Variants in PDE4D observed in about 807,000 individuals in gnomAD.
The protein encoded by PDE4D is 3',5'-cyclic-AMP phosphodiesterase 4D.
In PDE4D, 24 loss-of-function variants were observed where a neutral mutation model predicts 87.4. The observed-to-expected ratio is 0.27, with a 90% CI of 0.20 to 0.39. The LOEUF (loss-of-function observed/expected upper bound fraction) is 0.39. PDE4D is among the 10% of genes least tolerant of loss of function. The probability of loss-of-function intolerance (pLI) is 1.00; values close to 1 mark genes in which losing one functional copy is unlikely to be tolerated. For missense variants in PDE4D, 714 were observed against 1,041.0 expected (o/e 0.69, Z 4.32); for synonymous variants, 384 against 383.2 (o/e 1.00, Z -0.02).
chr5:59,730,611 C>T (rs1757237139), intron 1 of PDE4D, among the ~76,000 whole-genome samples: 1 of 152,040 alleles, frequency 6.6e-6, no homozygotes, highest in Admixed American at 6.6e-5. Flanking sequence ...TCATTCTCCC[C>T]TTTCATTTTT....
At chr5:60,345,561 C>CT (rs1758681011) in intron 1 of PDE4D, among the ~76,000 whole-genome samples, 1 of 140,598 alleles carries the variant, frequency 7.1e-6, no homozygotes, top group Non-Finnish European at 1.5e-5. Context: ...GAGCTCTTCC[C>CT]TCTCCAAAAA....
At chr5:58,991,505 C>T (rs764030382) in intron 8 of PDE4D, among the ~76,000 whole-genome samples, 1 of 152,106 alleles carries the variant, frequency 6.6e-6, no homozygotes, top group Non-Finnish European at 1.5e-5. Context: ...GTATCAATCA[C>T]AAAGCACTTC....
At chr5:60,095,026 T>C (rs1391408728) in intron 2 of PDE4D, among the ~76,000 whole-genome samples, 1 of 152,138 alleles carries the variant, frequency 6.6e-6, no homozygotes, top group Non-Finnish European at 1.5e-5. Context: ...ATATAATTTT[T>C]TAACATATTT....
At chr5:60,318,934 A>T (rs1001631214) in intron 1 of PDE4D, among the ~76,000 whole-genome samples, 10 of 152,100 alleles carry the variant, frequency 6.6e-5, no homozygotes, top group African/African-American at 2.4e-4. Context: ...CCTTCATTTC[A>T]ACTTTGGTGA....
At chr5:59,540,409 T>TA (rs1200452134) in intron 1 of PDE4D, among the ~76,000 whole-genome samples, 4 of 152,136 alleles carry the variant, frequency 2.6e-5, no homozygotes, top group African/African-American at 9.7e-5. Flanking sequence ...TTCTGCAAGT[T>TA]AAAAAATTAA....
In PDE4D at chr5:59,649,081, T is replaced by G. The variant is rs564683193; in HGVS notation, c.455+244087A>C. Reference sequence around the variant, plus strand: ...ATGATTTATTAAGAATAGCCACTTGTGACCACATAGGGCACAACCTGAAAA... The same window carrying G: ...ATGATTTATTAAGAATAGCCACTTGGGACCACATAGGGCACAACCTGAAAA... On this transcript the variant is annotated intron_variant, in intron 1 of 14. Transcript: ENST00000340635. Among the ~76,000 whole-genome samples the G allele has an allele frequency of 2.7e-4, 41 of 152,300 alleles. No homozygotes were observed. The South Asian group carries it at 8.1e-3, about 30-fold the overall frequency.
chr5:59,240,796 A>C (rs913803352), intron 1 of PDE4D, among the ~76,000 whole-genome samples: 1 of 71,886 alleles, frequency 1.4e-5, no homozygotes, highest in Non-Finnish European at 2.9e-5. Flanking sequence ...ACACACACAC[A>C]CACACACACA....
intron 1 of PDE4D, among the ~76,000 whole-genome samples, chr5:59,263,468 A>C (rs970093545): frequency 6.6e-6 from 1 of 151,996 alleles, no homozygotes; most frequent in African/African-American, 2.4e-5. Context: ...GGTGAATCTA[A>C]GCAACAGAAT....
chr5:59,690,934 G>A (rs1252982857), intron 1 of PDE4D, among the ~76,000 whole-genome samples: 2 of 152,306 alleles, frequency 1.3e-5, no homozygotes, highest in Non-Finnish European at 2.9e-5. Flanking sequence ...CTTCTCAAAA[G>A]AAGACATTTA....
At chr5:59,795,175 G>T (rs944744975) in intron 1 of PDE4D, among the ~76,000 whole-genome samples, 2 of 152,182 alleles carry the variant, frequency 1.3e-5, no homozygotes, top group African/African-American at 4.8e-5. Flanking sequence ...CAACCTTCCT[G>T]ATTAATGAAT....
intron 1 of PDE4D, among the ~76,000 whole-genome samples, chr5:59,627,821 C>T (rs770570367): frequency 1.8e-4 from 27 of 152,286 alleles, no homozygotes; most frequent in Non-Finnish European, 3.8e-4. Context: ...AAGGCAGAGG[C>T]TGAACAAGGA....
At chr5:59,244,678 GTC>G (rs1403385464) in intron 1 of PDE4D, among the ~76,000 whole-genome samples, 49 of 85,886 alleles carry the variant, frequency 5.7e-4, no homozygotes, top group South Asian at 9.2e-4. Context: ...ATGTGTGTGT[GTC>G]TGTGTGTGTG....
chr5:59,203,853 G>A (rs1280825609), intron 2 of PDE4D, among the ~76,000 whole-genome samples: 1 of 152,162 alleles, frequency 6.6e-6, no homozygotes, highest in African/African-American at 2.4e-5. Context: ...AGGGCCTGGG[G>A]GAGAATGGGA....
chr5:59,536,960 G>A (rs963476294), intron 1 of PDE4D, among the ~76,000 whole-genome samples: 5 of 151,940 alleles, frequency 3.3e-5, no homozygotes, highest in Admixed American at 6.6e-5. Context: ...GCTACAATAC[G>A]ACCCACCCCC....
At chr5:60,088,332 A>T (rs1422213724) in intron 2 of PDE4D, among the ~76,000 whole-genome samples, 1 of 152,146 alleles carries the variant, frequency 6.6e-6, no homozygotes, top group Admixed American at 6.5e-5. Context: ...AAAAAAACCT[A>T]AAGTATGAAA....
In PDE4D at chr5:59,893,534, T is replaced by C. The variant is rs1443798737; in HGVS notation, c.89A>G (p.Lys30Arg). 7.8e-6 allele frequency: 12 copies of C among 1,540,890 alleles called. No individual in the cohort carries two copies. Among genetic ancestry groups the C allele is most frequent in the African/African-American group, 1.4e-5 (1 of 71,712 alleles). Residue 30 changes from lysine (K) to arginine (R), a missense_variant, in exon 1 of 15, where the codon AAG becomes AGG. Coordinates refer to ENST00000340635, the MANE Select transcript of PDE4D (RefSeq NM_001104631.2). ...SAGGATLKAP[K>R]HLWRHEQHHQ... ...GTGCTGCTCGTGCCTCCAGAGATGC[T>C]TGGGGGCTTTGAGCGTGGCCCCGCC...
intron 1 of PDE4D, among the ~76,000 whole-genome samples, chr5:59,858,021 G>A (rs1345219748): frequency 6.6e-6 from 1 of 151,810 alleles, no homozygotes; most frequent in Non-Finnish European, 1.5e-5. Flanking sequence ...AGCGAGGGAG[G>A]GAGGGAGTAG....
intron 1 of PDE4D, among the ~76,000 whole-genome samples, chr5:60,450,384 T>C (rs1333882534): frequency 6.6e-6 from 1 of 152,108 alleles, no homozygotes; most frequent in Non-Finnish European, 1.5e-5. Context: ...TTAATCACTA[T>C]ATAATTATTT....
intron 1 of PDE4D, among the ~76,000 whole-genome samples, chr5:60,319,618 C>T (rs1756007644): frequency 6.6e-6 from 1 of 152,164 alleles, no homozygotes; most frequent in Non-Finnish European, 1.5e-5. Flanking sequence ...GTGGTTTTAT[C>T]TACCTTTGGT....
Sources: gnomAD v4.1 joint callset for allele counts (sites outside exome capture counted in the v4.1 genomes callset) on GRCh38, gnomAD v4.1.1 for gene constraint, MANE v1.5 for transcripts, NCBI Gene and HGNC (gene_info 2026-07-23, HGNC 2026-07-21) for gene names.